The following ALPK3 variants were observed in gnomAD, a reference collection of about 807,000 sequenced individuals.
The protein encoded by ALPK3 is alpha-protein kinase 3.
In ALPK3, 102 loss-of-function variants were observed where a neutral mutation model predicts 140.0. The observed-to-expected ratio is 0.73, with a 90% CI of 0.62 to 0.86. The LOEUF (loss-of-function observed/expected upper bound fraction) is 0.86, where lower values mean the gene tolerates loss of function less well. ALPK3 is among the 40% of genes least tolerant of loss of function. The pLI is 0.00. For missense variants in ALPK3, 2,254 were observed against 2,208.2 expected (o/e 1.02, Z -0.42); for synonymous variants, 938 against 898.5 (o/e 1.04, Z -0.79).
intron 5 of ALPK3, among the ~76,000 whole-genome samples, chr15:84,846,263 T>G (rs1373564709): frequency 1.3e-5 from 2 of 152,194 alleles, no homozygotes; most frequent in Non-Finnish European, 2.9e-5. Context: ...CTTGTAATAT[T>G]TAAAATGTCC....
chr15:84,827,187 A>G (rs1246258935), intron 2 of ALPK3, among the ~76,000 whole-genome samples: 1 of 152,154 alleles, frequency 6.6e-6, no homozygotes, highest in Non-Finnish European at 1.5e-5. Flanking sequence ...GGCCCCTCAA[A>G]CAATGATGGG....
In ALPK3 at chr15:84,822,575, A is replaced by T. The variant is rs1214763128; in HGVS notation, c.144-755A>T. ...CCAGGTCCCCACTGGAGATTTTTGT[A>T]TCAGGAAAGGAGGAGGGAGAGGGAA... On this transcript the variant is annotated intron_variant, in intron 1 of 13. Transcript: ENST00000258888. Among the ~76,000 whole-genome samples the T allele has an allele frequency of 5.3e-5, 8 of 152,212 alleles. No homozygotes were observed. The East Asian group carries it at 1.5e-3, about 29-fold the overall frequency.
chr15:84,835,368 C>T (rs527239828), intron 3 of ALPK3, among the ~76,000 whole-genome samples: 2 of 152,292 alleles, frequency 1.3e-5, no homozygotes, highest in Admixed American at 6.5e-5. Flanking sequence ...CTCCTGTACA[C>T]AGTTCCCCAG....
chr15:84,865,880 G>T (rs1192420006), intron 12 of ALPK3, among the ~76,000 whole-genome samples: 1 of 152,192 alleles, frequency 6.6e-6, no homozygotes, highest in Non-Finnish European at 1.5e-5. Context: ...GGCAGAGGTT[G>T]CAGTGAGCCA....
intron 9 of ALPK3, among the ~76,000 whole-genome samples, chr15:84,861,139 G>C (rs906778977): frequency 6.6e-6 from 1 of 152,134 alleles, no homozygotes; most frequent in African/African-American, 2.4e-5. Flanking sequence ...ATTTGAATCA[G>C]GAACCACTCA....
At position 84,857,705 on chromosome 15, in the gene ALPK3, A is replaced by C; in HGVS notation, c.2967A>C (p.Gly989=). The C allele has an allele frequency of 6.2e-7, 1 of 1,611,496 alleles. No individual in the cohort carries two copies. The highest frequency in any genetic ancestry group is 8.5e-7 in the Non-Finnish European group (1 of 1,178,248). Residue 989 remains glycine, a synonymous_variant, in exon 6 of 14, where the codon GGA becomes GGC. Coordinates refer to ENST00000258888, the MANE Select transcript of ALPK3 (RefSeq NM_020778.5). ...AGTCCCAGGTGGGGGCAGCCACCGG[A>C]GGTCTGGTGCCCTCAGCCACTCTGA... ...GGESQVGAAT[G]GLVPSATLTP...
intron 5 of ALPK3, among the ~76,000 whole-genome samples, chr15:84,849,317 T>C (rs1295079415): frequency 6.6e-6 from 1 of 152,170 alleles, no homozygotes; most frequent in Admixed American, 6.5e-5. Context: ...TAATTATAGT[T>C]GGAGACTTTA....
intron 2 of ALPK3, among the ~76,000 whole-genome samples, chr15:84,825,076 A>AT (rs957995989): frequency 1.3e-5 from 2 of 152,200 alleles, no homozygotes; most frequent in African/African-American, 4.8e-5. Flanking sequence ...TAATGTAAAC[A>AT]TTTTTTTATA....
intron 5 of ALPK3, among the ~76,000 whole-genome samples, chr15:84,850,915 C>CACACACACAA: frequency 6.7e-6 from 1 of 149,964 alleles, no homozygotes; most frequent in East Asian, 1.9e-4. Flanking sequence ...CACACACACA[C>CACACACACAA]CCTCTGTCAT....
intron 13 of ALPK3, 64 bp downstream of exon 13, chr15:84,867,429 C>T: frequency 1.3e-6 from 2 of 1,583,364 alleles, no homozygotes; most frequent in Non-Finnish European, 1.7e-6. Context: ...ATGTCCTAAG[C>T]CCTTCTGGTT....
chr15:84,848,200 A>G (rs1411557505), intron 5 of ALPK3, among the ~76,000 whole-genome samples: 1 of 152,146 alleles, frequency 6.6e-6, no homozygotes, highest in Non-Finnish European at 1.5e-5. Context: ...TAAATATAAT[A>G]GATTATTTCA....
chr15:84,825,108 G>A (rs1297064121), intron 2 of ALPK3, among the ~76,000 whole-genome samples: 1 of 152,044 alleles, frequency 6.6e-6, no homozygotes, highest in African/African-American at 2.4e-5. Flanking sequence ...GACCTAATGT[G>A]GAAAGTTTGA....
At position 84,858,034 on chromosome 15, in the gene ALPK3, G is replaced by T; in HGVS notation, c.3296G>T (p.Gly1099Val). The change falls in exon 6 of 14, where the codon GGG (glycine) becomes GTG (valine). Residue 1099 changes from glycine (G) to valine (V), a missense_variant. By Grantham distance (109) the Gly-to-Val change is moderately radical. This residue lies in a region of ALPK3 where 2,088 missense variants were observed against 2,022.9 expected (regional missense o/e 1.03). Coordinates refer to ENST00000258888, the MANE Select transcript of ALPK3 (RefSeq NM_020778.5). ...GGTGAAGGAGAGGTTTCCCCTGAGGGGCCTGGCCTCCTGGGGGCCTCTCAG... is the reference window on the plus strand; with the variant it reads ...GGTGAAGGAGAGGTTTCCCCTGAGGTGCCTGGCCTCCTGGGGGCCTCTCAG... ...SEGEGEVSPE[G>V]PGLLGASQES... is the part of the protein sequence containing the mutation. 1 of 1,570,392 alleles carries T rather than the reference G, an allele frequency of 6.4e-7. No individual in the cohort carries two copies. Among genetic ancestry groups the T allele is most frequent in the Non-Finnish European group, 8.6e-7 (1 of 1,160,452 alleles).
Position 84,862,820 on chromosome 15 carries a change from G to A in ALPK3, c.4315G>A (p.Gly1439Ser), listed in dbSNP as rs774216478. 5 of 1,614,158 alleles carry A rather than the reference G, an allele frequency of 3.1e-6. No homozygotes were observed. The highest frequency in any genetic ancestry group is 4.5e-5 in the East Asian group (2 of 44,866). The change falls in exon 10 of 14, where the codon GGC becomes AGC. Residue 1439 changes from glycine (G) to serine (S), a missense_variant. Coordinates refer to ENST00000258888, the MANE Select transcript of ALPK3 (RefSeq NM_020778.5). ...CGGGCTGGAACCCATCTTCGAGTCG[G>A]GCCGCACGTGCATCATCAAGGTGTC... is the stretch of plus-strand genomic sequence containing the variant. ...IYGLEPIFESGRTCIIKVSSL... is the reference protein window; with the variant it reads ...IYGLEPIFESSRTCIIKVSSL...
At chr15:84,827,923 T>C (rs1391413097) in intron 3 of ALPK3, among the ~76,000 whole-genome samples, 1 of 152,146 alleles carries the variant, frequency 6.6e-6, no homozygotes, top group Admixed American at 6.5e-5. Flanking sequence ...TGGAAAGAGA[T>C]CTTTGAGGCC....
intron 1 of ALPK3, among the ~76,000 whole-genome samples, chr15:84,821,286 G>A (rs901825260): frequency 5.3e-5 from 8 of 152,138 alleles, no homozygotes; most frequent in African/African-American, 1.9e-4. Context: ...AGGGCAGGGC[G>A]GTTGGTCCAG....
In ALPK3 at chr15:84,856,565, T is replaced by G; in HGVS notation, c.1827T>G (p.Asn609Lys). Residue 609 changes from asparagine (N) to lysine (K), a missense_variant, in exon 6 of 14, where the codon AAT becomes AAG. Physicochemically the swap from Asn to Lys is moderately conservative, Grantham distance 94 (BLOSUM62 0). Coordinates refer to ENST00000258888, the MANE Select transcript of ALPK3 (RefSeq NM_020778.5). ...ACCAGAGAACTGGAAGCAAGAAGAA[T>G]GTGCAGGCAGATGGGAAGATACAAG... ...SANQRTGSKKNVQADGKIQVD... is the reference protein window; with the variant it reads ...SANQRTGSKKKVQADGKIQVD... 1 of 1,613,988 alleles carries G rather than the reference T, an allele frequency of 6.2e-7. No homozygotes were observed. Among genetic ancestry groups the G allele is most frequent in the Non-Finnish European group, 8.5e-7 (1 of 1,179,990 alleles).
intron 1 of ALPK3, 60 bp downstream of exon 1, chr15:84,817,655 G>T: frequency 7.0e-7 from 1 of 1,426,742 alleles, no homozygotes; most frequent in Non-Finnish European, 9.1e-7. Flanking sequence ...ATCAGTCCCT[G>T]TGAGGGCGGC....
chr15:84,854,096 T>C (rs1474189478), intron 5 of ALPK3, among the ~76,000 whole-genome samples: 1 of 151,632 alleles, frequency 6.6e-6, no homozygotes, highest in Admixed American at 6.6e-5. Flanking sequence ...TTTAATTATG[T>C]ATATTTAAAA....
Sources: allele counts gnomAD v4.1 joint callset (sites outside exome capture counted in the v4.1 genomes callset), GRCh38; gene constraint gnomAD v4.1.1; regional missense constraint gnomAD v4.1.1; transcripts MANE v1.5; gene names NCBI Gene and HGNC (gene_info 2026-07-23, HGNC 2026-07-21).